Variants in LRRC4C observed in about 807,000 individuals in gnomAD.
LRRC4C encodes the protein leucine rich repeat containing 4C.
Under a neutral mutation model 33.6 loss-of-function variants are expected in LRRC4C, and 5 were observed. That is an observed-to-expected ratio of 0.15 (90% confidence interval 0.08 to 0.31). LRRC4C has a LOEUF of 0.31. LRRC4C is among the 10% of genes least tolerant of loss of function. The probability of loss-of-function intolerance (pLI) is 1.00; values close to 1 mark genes in which losing one functional copy is unlikely to be tolerated. For missense variants in LRRC4C, 560 were observed against 796.7 expected (o/e 0.70, Z 3.58); for synonymous variants, 329 against 302.0 (o/e 1.09, Z -0.93).
chr11:40,773,904 G>A (rs1191608562), intron 2 of LRRC4C, among the ~76,000 whole-genome samples: 1 of 151,858 alleles, frequency 6.6e-6, no homozygotes, highest in Non-Finnish European at 1.5e-5. Context: ...ATATGATTCG[G>A]TGGTATATAA....
intron 3 of LRRC4C, among the ~76,000 whole-genome samples, chr11:40,609,006 A>G (rs1221624371): frequency 6.6e-6 from 1 of 152,146 alleles, no homozygotes; most frequent in Non-Finnish European, 1.5e-5. Context: ...GCTTTCAGTA[A>G]TTGATAGAAC....
intron 3 of LRRC4C, among the ~76,000 whole-genome samples, chr11:40,517,089 T>C (rs950942340): frequency 6.6e-6 from 1 of 152,138 alleles, no homozygotes; most frequent in African/African-American, 2.4e-5. Context: ...AAGATTAAAG[T>C]CTCAAATTTA....
chr11:41,158,608 A>G (rs918155506), intron 1 of LRRC4C, among the ~76,000 whole-genome samples: 2 of 152,142 alleles, frequency 1.3e-5, no homozygotes, highest in Non-Finnish European at 2.9e-5. Flanking sequence ...TGGGAGGAGA[A>G]GGATATGGCG....
At chr11:40,582,883 G>T (rs1565527208) in intron 3 of LRRC4C, among the ~76,000 whole-genome samples, 2 of 151,916 alleles carry the variant, frequency 1.3e-5, no homozygotes, top group Non-Finnish European at 2.9e-5. Flanking sequence ...GATATGTTTT[G>T]ATACATGCAT....
At chr11:41,377,536 C>A (rs745348993) in intron 1 of LRRC4C, among the ~76,000 whole-genome samples, 4 of 152,098 alleles carry the variant, frequency 2.6e-5, no homozygotes, top group Non-Finnish European at 4.4e-5. Context: ...GGTAGATAAG[C>A]GTGTTGCTAA....
At chr11:41,393,931 G>T (rs977788291) in intron 1 of LRRC4C, among the ~76,000 whole-genome samples, 2 of 151,882 alleles carry the variant, frequency 1.3e-5, no homozygotes, top group African/African-American at 4.8e-5. Context: ...TATTAATTAG[G>T]CTACCTTTAG....
rs35191575 is a variant in LRRC4C, at chr11:40,546,084, A to ACCTTCCTT, written c.-270+102050_-270+102057dup. On this transcript the variant is annotated intron_variant, in intron 3 of 6. Coordinates refer to ENST00000528697, the MANE Select transcript of LRRC4C (RefSeq NM_001258419.2). ...TTCCTTCCTTCCTTCCTTCCTTCCTACCTTCCTTCCTTCCTTCCTTCCTTC... is the reference window on the plus strand; with the variant it reads ...TTCCTTCCTTCCTTCCTTCCTTCCTACCTTCCTTCCTTCCTTCCTTCCTTCCTTCCTTC... 3.6e-3 allele frequency among the ~76,000 whole-genome samples: 492 copies of ACCTTCCTT among 135,798 alleles called. 5 individuals carry two copies. Among genetic ancestry groups the ACCTTCCTT allele is most frequent in the African/African-American group, 0.013 (458 of 35,286 alleles). The allele number at this position is 135,798 out of a possible 152,430, so 89.1% of individuals were successfully genotyped here.
At chr11:40,619,397 C>T (rs1211007839) in intron 3 of LRRC4C, among the ~76,000 whole-genome samples, 3 of 151,670 alleles carry the variant, frequency 2.0e-5, no homozygotes, top group African/African-American at 7.3e-5. Context: ...TGTACCAAAA[C>T]ATTCATGTAC....
At chr11:41,056,232 C>T (rs932813796) in intron 1 of LRRC4C, among the ~76,000 whole-genome samples, 28 of 152,282 alleles carry the variant, frequency 1.8e-4, no homozygotes, top group African/African-American at 6.5e-4. Flanking sequence ...TTAAATATGA[C>T]TCCAGCCCTC....
chr11:40,300,557 G>A (rs950560676), intron 4 of LRRC4C, among the ~76,000 whole-genome samples: 8 of 152,158 alleles, frequency 5.3e-5, no homozygotes, highest in East Asian at 1.9e-4. Context: ...TCATTCCTCT[G>A]TATCTGTGGG....
chr11:41,184,815 C>CAA (rs34577485), intron 1 of LRRC4C, among the ~76,000 whole-genome samples: 39 of 112,472 alleles, frequency 3.5e-4, no homozygotes, highest in African/African-American at 9.9e-4. Flanking sequence ...GGGCAATTTA[C>CAA]AAAAAAAAAA....
At chr11:41,370,061 C>T (rs184428727) in intron 1 of LRRC4C, among the ~76,000 whole-genome samples, 148 of 152,234 alleles carry the variant, frequency 9.7e-4, no homozygotes, top group Non-Finnish European at 1.9e-3. Context: ...AAAAGCATTT[C>T]CTTAGATATA....
chr11:40,528,146 C>A (rs150139835), intron 3 of LRRC4C, among the ~76,000 whole-genome samples: 1 of 151,738 alleles, frequency 6.6e-6, no homozygotes, highest in Admixed American at 6.6e-5. Flanking sequence ...GATATAACAC[C>A]GAAAGCAAAG....
intron 3 of LRRC4C, among the ~76,000 whole-genome samples, chr11:40,600,813 G>T (rs975847504): frequency 6.6e-6 from 1 of 152,150 alleles, no homozygotes; most frequent in African/African-American, 2.4e-5. Flanking sequence ...TATATTCAAT[G>T]CATGGCACTT....
chr11:41,098,965 G>T (rs966519179), intron 1 of LRRC4C, among the ~76,000 whole-genome samples: 5 of 151,948 alleles, frequency 3.3e-5, no homozygotes, highest in Non-Finnish European at 7.4e-5. Context: ...GAAGAAAAGA[G>T]AGAAGATAAA....
intron 2 of LRRC4C, among the ~76,000 whole-genome samples, chr11:40,721,336 C>T (rs765776306): frequency 6.6e-6 from 1 of 152,174 alleles, no homozygotes; most frequent in African/African-American, 2.4e-5. Flanking sequence ...GATAACACAG[C>T]CATTGCAAAC....
intron 2 of LRRC4C, among the ~76,000 whole-genome samples, chr11:40,808,467 A>G (rs1021822789): frequency 2.5e-4 from 38 of 152,272 alleles, no homozygotes; most frequent in African/African-American, 7.5e-4. Flanking sequence ...AAGTAATTCA[A>G]TTGTAGCACT....
At chr11:41,448,683 GTAT>G (rs1401908667) in intron 1 of LRRC4C, among the ~76,000 whole-genome samples, 1 of 152,064 alleles carries the variant, frequency 6.6e-6, no homozygotes, top group African/African-American at 2.4e-5. Flanking sequence ...GTGAAGAAAG[GTAT>G]TATACATATT....
At chr11:40,744,817 G>T (rs1254037356) in intron 2 of LRRC4C, among the ~76,000 whole-genome samples, 1 of 152,002 alleles carries the variant, frequency 6.6e-6, no homozygotes, top group Non-Finnish European at 1.5e-5. Flanking sequence ...TGGCTGTATT[G>T]TCTACAAAAT....
Sources: gnomAD v4.1 joint callset for allele counts (sites outside exome capture counted in the v4.1 genomes callset) on GRCh38, gnomAD v4.1.1 for gene constraint, MANE v1.5 for transcripts, NCBI Gene and HGNC (gene_info 2026-07-23, HGNC 2026-07-21) for gene names.